The following TANGO6 variants were observed in gnomAD, a reference collection of about 807,000 sequenced individuals.
TANGO6 encodes the protein transport and golgi organization 6 homolog, also known as transport and Golgi organization protein 6 homolog.
A neutral mutation model predicts 114.2 loss-of-function variants in TANGO6; 90 were observed. The ratio of observed to expected loss-of-function variants is 0.79; its 90% CI spans 0.66 to 0.94. The LOEUF (loss-of-function observed/expected upper bound fraction) is 0.94. Ranked by LOEUF, TANGO6 falls within the 40% of genes least tolerant of loss-of-function variation. The pLI, the probability that TANGO6 is intolerant of heterozygous loss-of-function variation, is 0.00. For synonymous variants in TANGO6, 477 were observed against 509.8 expected, an observed-to-expected ratio of 0.94 and a Z score of 0.87; for missense variants, 1,274 against 1,315.3, an observed-to-expected ratio of 0.97 and a Z score of 0.49.
intron 17 of TANGO6, among the ~76,000 whole-genome samples, chr16:69,069,758 C>T (rs1349362866): frequency 6.6e-6 from 1 of 152,048 alleles, no homozygotes; most frequent in Non-Finnish European, 1.5e-5. Flanking sequence ...TTGTTTGCTT[C>T]ATCTCTTGTT....
chr16:68,891,727 A>G (rs1166506176), intron 7 of TANGO6, among the ~76,000 whole-genome samples: 1 of 151,962 alleles, frequency 6.6e-6, no homozygotes, highest in African/African-American at 2.4e-5. Context: ...CTGAAGTTCT[A>G]TGATTCTGCT....
chr16:68,916,260 G>A (rs1011490926), intron 11 of TANGO6, among the ~76,000 whole-genome samples: 30 of 152,230 alleles, frequency 2.0e-4, no homozygotes, highest in African/African-American at 6.5e-4. Context: ...GGTGAGCAGC[G>A]CCCAAGTGAG....
At chr16:68,883,330 T>G (rs909572917) in intron 7 of TANGO6, among the ~76,000 whole-genome samples, 1 of 152,236 alleles carries the variant, frequency 6.6e-6, no homozygotes, top group Non-Finnish European at 1.5e-5. Flanking sequence ...GGCAAAACCC[T>G]GTCTCTACTA....
In TANGO6 at chr16:69,053,854, A is replaced by G. The variant is rs1959991690; in HGVS notation, c.3108+13433A>G. On this transcript the variant is annotated intron_variant, in intron 17 of 17. Transcript: ENST00000261778. ...CAAGGCGGGTGGATCACCTGAGATC[A>G]GGAGTTCCAGACCAGCCTAGCCAAC... Among the ~76,000 whole-genome samples, 2 of 152,194 alleles carry G rather than the reference A, an allele frequency of 1.3e-5. 1 individual carries two copies. Among genetic ancestry groups the G allele is most frequent in the South Asian group, 4.1e-4 (2 of 4,824 alleles).
chr16:68,980,537 G>A (rs1963823962), intron 15 of TANGO6, among the ~76,000 whole-genome samples: 1 of 149,998 alleles, frequency 6.7e-6, no homozygotes, highest in African/African-American at 2.5e-5. Flanking sequence ...ATGATTAGCT[G>A]GGATTATGCA....
intron 9 of TANGO6, among the ~76,000 whole-genome samples, chr16:68,903,783 G>A (rs879348666): frequency 6.6e-6 from 1 of 151,958 alleles, no homozygotes; most frequent in Admixed American, 6.6e-5. Context: ...TTAGCCGGTT[G>A]TGGTGGCTGG....
At chr16:68,854,715 A>T (rs1203047233) in intron 1 of TANGO6, among the ~76,000 whole-genome samples, 1 of 145,908 alleles carries the variant, frequency 6.9e-6, no homozygotes, top group Non-Finnish European at 1.5e-5. Context: ...TCATATCTTT[A>T]TTGAAGATCA....
intron 14 of TANGO6, among the ~76,000 whole-genome samples, chr16:68,970,667 CAAAAAAAAA>C (rs11291012): frequency 9.0e-6 from 1 of 110,632 alleles, no homozygotes; most frequent in Non-Finnish European, 1.9e-5. Context: ...AACTTCGTCT[CAAAAAAAAA>C]AAAAAAAAAG....
chr16:69,059,120 G>C (rs939835593), intron 17 of TANGO6, among the ~76,000 whole-genome samples: 1 of 151,158 alleles, frequency 6.6e-6, no homozygotes, highest in Non-Finnish European at 1.5e-5. Context: ...TGTTGCCCAG[G>C]CTGGAGTGCA....
intron 15 of TANGO6, among the ~76,000 whole-genome samples, chr16:68,974,918 A>C (rs1035705675): frequency 6.6e-6 from 1 of 151,958 alleles, no homozygotes; most frequent in African/African-American, 2.4e-5. Context: ...ATTAGCCAGG[A>C]TTGGTGGCAC....
At chr16:68,995,334 A>G (rs1302201956) in intron 15 of TANGO6, among the ~76,000 whole-genome samples, 3 of 152,202 alleles carry the variant, frequency 2.0e-5, no homozygotes, top group Non-Finnish European at 4.4e-5. Flanking sequence ...ATGGGTCCTG[A>G]CATGTAGACA....
At chr16:68,893,248 C>T (rs987606878) in intron 7 of TANGO6, among the ~76,000 whole-genome samples, 6 of 152,068 alleles carry the variant, frequency 3.9e-5, no homozygotes, top group African/African-American at 1.4e-4. Flanking sequence ...ACGAAAGAGG[C>T]CTTACAGCAC....
intron 15 of TANGO6, among the ~76,000 whole-genome samples, chr16:68,980,823 C>G (rs1171352438): frequency 1.3e-5 from 2 of 152,056 alleles, no homozygotes; most frequent in African/African-American, 4.8e-5. Flanking sequence ...CCGTGAAACC[C>G]CGTCTCTGCT....
chr16:69,046,141 ATAACT>A (rs1330152865), intron 17 of TANGO6, among the ~76,000 whole-genome samples: 1 of 152,048 alleles, frequency 6.6e-6, no homozygotes, highest in African/African-American at 2.4e-5. Flanking sequence ...CAGAGTCAAA[ATAACT>A]TAACATTCAT....
chr16:69,081,670 G>A (rs1351553484), intron 17 of TANGO6, among the ~76,000 whole-genome samples: 2 of 152,022 alleles, frequency 1.3e-5, no homozygotes, highest in South Asian at 2.1e-4. Flanking sequence ...TCCCTGTTCC[G>A]TTGAAACCTG....
At chr16:68,981,210 CTT>C (rs553789256) in intron 15 of TANGO6, among the ~76,000 whole-genome samples, 1 of 111,018 alleles carries the variant, frequency 9.0e-6, no homozygotes, top group Non-Finnish European at 1.8e-5. Context: ...TTTTCTTTTC[CTT>C]TTTTTTTTTT....
chr16:68,956,420 A>G (rs1963530485), intron 14 of TANGO6, among the ~76,000 whole-genome samples: 1 of 152,140 alleles, frequency 6.6e-6, no homozygotes, highest in Non-Finnish European at 1.5e-5. Flanking sequence ...AGTCTAACAG[A>G]AGGCCCTCCA....
intron 4 of TANGO6, among the ~76,000 whole-genome samples, chr16:68,872,643 T>C (rs1408315009): frequency 2.0e-5 from 3 of 150,054 alleles, no homozygotes; most frequent in Non-Finnish European, 4.4e-5. Context: ...GCCATATTGT[T>C]TTCCTTCTTT....
At position 68,913,073 on chromosome 16, in the gene TANGO6, CA is replaced by C. The variant is rs979992402; in HGVS notation, c.1992+3689del. Among the ~76,000 whole-genome samples the C allele has an allele frequency of 2.8e-3, 204 of 72,096 alleles. 1 individual carries two copies. Among genetic ancestry groups the C allele is most frequent in the Admixed American group, 4.4e-3 (28 of 6,398 alleles). The allele number at this position is 72,096 out of a possible 152,430, so 47.3% of individuals were successfully genotyped here. ...CCAGCCTGAGTGACAGAGTGAGACT[CA>C]AAAAAAAAAAAAAAAAACAGGGTAA... On this transcript the variant is annotated intron_variant, in intron 11 of 17. Coordinates refer to ENST00000261778, the MANE Select transcript of TANGO6 (RefSeq NM_024562.2).
Sources: gnomAD v4.1 joint callset for allele counts (sites outside exome capture counted in the v4.1 genomes callset) on GRCh38, gnomAD v4.1.1 for gene constraint, MANE v1.5 for transcripts, NCBI Gene and HGNC (gene_info 2026-07-23, HGNC 2026-07-21) for gene names.